MASP1: variants seen among roughly 807,000 people sequenced by gnomAD.
The protein encoded by MASP1 is MBL associated serine protease 1.
In MASP1, 59 loss-of-function variants were observed where a neutral mutation model predicts 77.1. The observed-to-expected ratio is 0.77, with a 90% CI of 0.62 to 0.95. MASP1 has a LOEUF of 0.95. Ranked by LOEUF, MASP1 falls within the 40% of genes least tolerant of loss-of-function variation. The pLI is 0.00. For missense variants in MASP1, 885 were observed against 912.9 expected (o/e 0.97, Z 0.39); for synonymous variants, 362 against 354.5 (o/e 1.02, Z -0.24).
chr3:187,236,220 T>G lies in MASP1; in HGVS notation c.1651A>C (p.Asn551His). The change falls in exon 11 of 11, where the codon AAC (asparagine) becomes CAC (histidine). Residue 551 changes from asparagine (N) to histidine (H), a missense_variant. Asn to His is a moderately conservative substitution (Grantham distance 68). Transcript: ENST00000296280. ...AGCTGCACCAGAGCTATATCGTGGTTGTAGTTTTGGATGTTGAAGTCTGGG... is the reference window on the plus strand; with the variant it reads ...AGCTGCACCAGAGCTATATCGTGGTGGTAGTTTTGGATGTTGAAGTCTGGG... Reference protein sequence around the residue: ...LHPDFNIQNYNHDIALVQLQE... With the variant: ...LHPDFNIQNYHHDIALVQLQE... 1 of 1,614,192 alleles carries G rather than the reference T, an allele frequency of 6.2e-7. No homozygotes were observed. The highest frequency in any genetic ancestry group is 8.5e-7 in the Non-Finnish European group (1 of 1,180,038).
chr3:187,274,204 T>G (rs916503872), intron 2 of MASP1, among the ~76,000 whole-genome samples: 95 of 138,046 alleles, frequency 6.9e-4, no homozygotes, highest in African/African-American at 2.4e-3. Flanking sequence ...CGAGACTCCA[T>G]AAAAAAAAAA....
At chr3:187,289,323 A>G (rs1718115149) in intron 1 of MASP1, among the ~76,000 whole-genome samples, 1 of 152,300 alleles carries the variant, frequency 6.6e-6, no homozygotes, top group Middle Eastern at 3.4e-3. Context: ...CCATTTTTGA[A>G]TTGAAGAGTT....
intron 2 of MASP1, among the ~76,000 whole-genome samples, chr3:187,268,192 A>G (rs1716202693): frequency 1.3e-5 from 2 of 152,206 alleles, no homozygotes. Context: ...AGAAAAATGT[A>G]TGTAATGGGC....
At chr3:187,218,843 T>C (rs749686554) in exon 16 of MASP1, 9 of 152,366 alleles carry the variant, frequency 5.9e-5, no homozygotes, top group East Asian at 5.8e-4. Context: ...AAAACACTTA[T>C]GGCCTTGCAA....
At chr3:187,284,586 C>T (rs1264569703) in intron 2 of MASP1, among the ~76,000 whole-genome samples, 1 of 152,190 alleles carries the variant, frequency 6.6e-6, no homozygotes, top group Non-Finnish European at 1.5e-5. Context: ...CAATACTCTA[C>T]ATATAAAATA....
At chr3:187,262,416 A>T in intron 3 of MASP1, 127 bp downstream of exon 3, 1 of 886,878 alleles carries the variant, frequency 1.1e-6, no homozygotes, top group Non-Finnish European at 1.9e-6. Flanking sequence ...CAAATGCATT[A>T]AGACATTAAT....
At chr3:187,260,457 A>G (rs1715466058) in intron 4 of MASP1, among the ~76,000 whole-genome samples, 1 of 152,208 alleles carries the variant, frequency 6.6e-6, no homozygotes, top group Admixed American at 6.5e-5. Flanking sequence ...GACCAGACCA[A>G]TTGCCTACAA....
chr3:187,233,743 T>C (rs1455084399), downstream of MASP1, among the ~76,000 whole-genome samples: 1 of 152,244 alleles, frequency 6.6e-6, no homozygotes. Context: ...CATGTGCCAC[T>C]GCTGATGATC....
intron 8 of MASP1, among the ~76,000 whole-genome samples, chr3:187,245,396 G>A (rs1224414930): frequency 1.3e-5 from 2 of 152,120 alleles, no homozygotes; most frequent in South Asian, 4.2e-4. Flanking sequence ...GCCCCTGGGA[G>A]CCTGTTATGT....
At chr3:187,273,567 G>C (rs775113928) in intron 2 of MASP1, among the ~76,000 whole-genome samples, 1 of 152,176 alleles carries the variant, frequency 6.6e-6, no homozygotes, top group Non-Finnish European at 1.5e-5. Context: ...CTCATTGTGC[G>C]AGCTCGGTAC....
intron 10 of MASP1, 112 bp from the exon 11 acceptor site, chr3:187,236,679 A>G: frequency 6.3e-7 from 1 of 1,584,888 alleles, no homozygotes; most frequent in East Asian, 2.3e-5. Flanking sequence ...TTATGCCACC[A>G]TGGGACCCTA....
intron 2 of MASP1, among the ~76,000 whole-genome samples, chr3:187,274,248 C>T (rs1716770554): frequency 6.6e-6 from 1 of 151,972 alleles, no homozygotes; most frequent in Non-Finnish European, 1.5e-5. Context: ...GATAATAATT[C>T]CTTGTTCTAT....
chr3:187,269,140 A>G (rs559694451), intron 2 of MASP1, among the ~76,000 whole-genome samples: 14 of 152,252 alleles, frequency 9.2e-5, no homozygotes, highest in Non-Finnish European at 1.6e-4. Context: ...TGACTGTAAG[A>G]ATCATTTGTT....
chr3:187,275,978 C>G (rs933701709), intron 2 of MASP1, among the ~76,000 whole-genome samples: 6 of 152,002 alleles, frequency 3.9e-5, no homozygotes, highest in South Asian at 2.1e-4. Context: ...TCCCGCCCCC[C>G]ATCTGTACCT....
chr3:187,228,670 C>T (rs949595209), intron 11 of MASP1, among the ~76,000 whole-genome samples: 11 of 152,122 alleles, frequency 7.2e-5, no homozygotes, highest in African/African-American at 2.7e-4. Context: ...TCCTCTGTCT[C>T]CCTTCCCTTC....
At chr3:187,219,637 C>A (rs1463111202) in exon 16 of MASP1, 6 of 236,038 alleles carry the variant, frequency 2.5e-5, no homozygotes, top group African/African-American at 4.5e-5. Flanking sequence ...TGTAAGAGAG[C>A]TTCGTCTGCC....
intron 11 of MASP1, among the ~76,000 whole-genome samples, chr3:187,227,722 T>A (rs1252811384): frequency 6.6e-6 from 1 of 152,146 alleles, no homozygotes; most frequent in Non-Finnish European, 1.5e-5. Flanking sequence ...CAGGACCAGA[T>A]TTTCCAGGTG....
chr3:187,257,809 T>C (rs1354391841), intron 4 of MASP1, among the ~76,000 whole-genome samples: 1 of 152,162 alleles, frequency 6.6e-6, no homozygotes, highest in Non-Finnish European at 1.5e-5. Flanking sequence ...TCCTAAGCCC[T>C]CCACTGACCT....
chr3:187,232,903 T>C (rs1712857169), downstream of MASP1, among the ~76,000 whole-genome samples: 1 of 152,266 alleles, frequency 6.6e-6, no homozygotes, highest in African/African-American at 2.4e-5. Flanking sequence ...ATTTTCATTA[T>C]GGTACAAACC....
Sources: gnomAD v4.1 joint callset for allele counts (sites outside exome capture counted in the v4.1 genomes callset) on GRCh38, gnomAD v4.1.1 for gene constraint, MANE v1.5 for transcripts, NCBI Gene and HGNC (gene_info 2026-07-23, HGNC 2026-07-21) for gene names.